The following NSUN7 variants were observed in gnomAD, a reference collection of about 807,000 sequenced individuals.
NSUN7 encodes the protein protein NSUN7.
Under a neutral mutation model 58.5 loss-of-function variants are expected in NSUN7, and 39 were observed. The observed-to-expected ratio is 0.67, with a 90% CI of 0.52 to 0.87. The LOEUF (loss-of-function observed/expected upper bound fraction) is 0.87, where lower values mean the gene tolerates loss of function less well. Among genes scored for constraint, NSUN7 ranks in the 40% least tolerant of loss-of-function variants. The pLI, the probability that NSUN7 is intolerant of heterozygous loss-of-function variation, is 0.00. For missense variants in NSUN7, 765 were observed against 844.1 expected (o/e 0.91, Z 1.16); for synonymous variants, 278 against 303.7 (o/e 0.92, Z 0.88).
At position 40,750,769 on chromosome 4, in the gene NSUN7, C is replaced by T; in HGVS notation, c.76C>T (p.Pro26Ser). 1 of 1,614,186 alleles carries T rather than the reference C, an allele frequency of 6.2e-7. No individual in the cohort carries two copies. Among genetic ancestry groups the T allele is most frequent in the Non-Finnish European group, 8.5e-7 (1 of 1,180,028 alleles). ...PEIISQLTSLPLSGGKSSAGV... is the reference protein window; with the variant it reads ...PEIISQLTSLSLSGGKSSAGV... ...GATCATCTCCCAACTCACTTCCCTG[C>T]CTCTGTCCGGTGGGAAAAGCTCAGC... Residue 26 changes from proline (P) to serine (S), a missense_variant, in exon 2 of 12, where the codon CCT becomes TCT. By Grantham distance (74) the Pro-to-Ser change is moderately conservative. Transcript: ENST00000381782.
At chr4:40,774,118 A>G (rs1742149903) in intron 4 of NSUN7, 147 bp from the exon 5 acceptor site, 1 of 768,472 alleles carries the variant, frequency 1.3e-6, no homozygotes, top group East Asian at 2.7e-5. Flanking sequence ...ATTTACAAAT[A>G]TGACACATTT....
Position 40,808,774 on chromosome 4 carries a change from A to G in NSUN7, c.1992A>G (p.Gln664=). The change falls in exon 12 of 12, where the codon CAA becomes CAG. Residue 664 remains glutamine (Q), a synonymous_variant. Coordinates refer to ENST00000381782, the MANE Select transcript of NSUN7 (RefSeq NM_024677.6). Reference sequence around the variant, plus strand: ...TCTTTATGCCATTTTCAAGTCCCCAAGGGATCAGATCTCGGATGCCAACTC... The same window carrying G: ...TCTTTATGCCATTTTCAAGTCCCCAGGGGATCAGATCTCGGATGCCAACTC... ...PPVFMPFSSP[Q]GIRSRMPTQH... The G allele has an allele frequency of 6.5e-7, 1 of 1,549,530 alleles. No individual in the cohort carries two copies. The highest frequency in any genetic ancestry group is 2.4e-5 in the East Asian group (1 of 40,870).
rs577277659 is a variant in NSUN7 at position 40,810,753 on chromosome 4, A to G, written c.*1814A>G. 2 of 152,292 alleles carry G rather than the reference A, an allele frequency of 1.3e-5. No individual in the cohort carries two copies. The highest frequency in any genetic ancestry group is 6.5e-5 in the Admixed American group (1 of 15,296). 9.4% of individuals were successfully genotyped at this position (152,292 alleles called of 1,614,324 possible). A position where few individuals can be genotyped will look rare whatever the true frequency, so the allele number is the denominator to read the frequency against. ...TTGCTGATTTTGAAAATCAAACACT[A>G]TCTCCTTGCCCTAAAATTATAGCGT... On this transcript the variant is annotated 3_prime_UTR_variant, in exon 12 of 12. Coordinates refer to ENST00000381782, the MANE Select transcript of NSUN7 (RefSeq NM_024677.6).
rs147416818 is a variant in NSUN7 at position 40,753,507 on chromosome 4, G to A, written c.298+2516G>A. Among the ~76,000 whole-genome samples the A allele has an allele frequency of 3.5e-3, 537 of 152,086 alleles. 2 individuals carry two copies. Among genetic ancestry groups the A allele is most frequent in the African/African-American group, 0.012 (496 of 41,520 alleles). ...AGGCTGGTCTTGAACTCCTGACCTC[G>A]TGATCCACCTGCCTTGGCCTCCCAA... On this transcript the variant is annotated intron_variant, in intron 2 of 11. Coordinates refer to ENST00000381782, the MANE Select transcript of NSUN7 (RefSeq NM_024677.6).
intron 4 of NSUN7, among the ~76,000 whole-genome samples, chr4:40,773,600 T>C (rs1339113215): frequency 6.6e-6 from 1 of 151,742 alleles, no homozygotes; most frequent in Non-Finnish European, 1.5e-5. Flanking sequence ...GGAGAATTGC[T>C]TGAACCCACA....
intron 10 of NSUN7, among the ~76,000 whole-genome samples, chr4:40,806,496 A>G (rs1443895559): frequency 6.6e-6 from 1 of 152,204 alleles, no homozygotes; most frequent in African/African-American, 2.4e-5. Flanking sequence ...AAATCTATTC[A>G]TGATTTGAGA....
chr4:40,789,109 C>T (rs1305997309), intron 7 of NSUN7, among the ~76,000 whole-genome samples: 1 of 152,132 alleles, frequency 6.6e-6, no homozygotes, highest in African/African-American at 2.4e-5. Context: ...AATATGATGC[C>T]ATCTGTTAAG....
intron 7 of NSUN7, among the ~76,000 whole-genome samples, chr4:40,777,329 T>G (rs4861310): frequency 3.9e-5 from 6 of 151,926 alleles, no homozygotes; most frequent in African/African-American, 1.5e-4. Context: ...TTCATTTTTT[T>G]AAATTTTTTT....
At chr4:40,764,190 T>C (rs1741598363) in intron 4 of NSUN7, among the ~76,000 whole-genome samples, 1 of 150,628 alleles carries the variant, frequency 6.6e-6, no homozygotes, top group Non-Finnish European at 1.5e-5. Context: ...ACTCGTCATT[T>C]AGCATTAGGT....
chr4:40,780,210 G>C (rs755686112), intron 7 of NSUN7, among the ~76,000 whole-genome samples: 1 of 152,154 alleles, frequency 6.6e-6, no homozygotes, highest in African/African-American at 2.4e-5. Context: ...AACCCCAGAC[G>C]CAGAGGTTGC....
chr4:40,774,845 C>G lies in NSUN7; in HGVS notation c.720C>G (p.Val240=), dbSNP rs147809276. 18 of 1,532,548 alleles carry G rather than the reference C, an allele frequency of 1.2e-5. No individual in the cohort carries two copies. In the Admixed American group the frequency reaches 2.3e-4, roughly 20 times the overall value. The allele number at this position is 1,532,548 out of a possible 1,614,324, so 94.9% of individuals were successfully genotyped here. The change falls in exon 6 of 12, where the codon GTC becomes GTG. Residue 240 remains valine, a synonymous_variant. Transcript: ENST00000381782. Reference sequence around the variant, plus strand: ...CTGTATTGCATATTGATGATAAAGTCTTTGCTGTGGATCAACATTGCTATG... The same window carrying G: ...CTGTATTGCATATTGATGATAAAGTGTTTGCTGTGGATCAACATTGCTATG... ...VKSVLHIDDK[V]FAVDQHCYDV... is the part of the protein sequence containing the mutation.
At chr4:40,771,783 TCTGA>T (rs1001735871) in intron 4 of NSUN7, among the ~76,000 whole-genome samples, 2 of 149,752 alleles carry the variant, frequency 1.3e-5, no homozygotes, top group Non-Finnish European at 3.0e-5. Flanking sequence ...TAAAGGAAGC[TCTGA>T]CTGTGTGTGT....
chr4:40,780,552 A>G (rs537502445), intron 7 of NSUN7, among the ~76,000 whole-genome samples: 1 of 151,760 alleles, frequency 6.6e-6, no homozygotes, highest in South Asian at 2.1e-4. Flanking sequence ...AGCTGCAGTG[A>G]GCCATGATTA....
In NSUN7 at chr4:40,810,966, G is replaced by A. The variant is rs1009367929; in HGVS notation, c.*2027G>A. 3 of 152,200 alleles carry A rather than the reference G, an allele frequency of 2.0e-5. No homozygotes were observed. The highest frequency in any genetic ancestry group is 4.4e-5 in the Non-Finnish European group (3 of 68,054). 9.4% of individuals were successfully genotyped at this position (152,200 alleles called of 1,614,324 possible). ...CTGAAAAGTATTCCATTGTCCAGAAGTAGCTGGTCTTGAGATTTTTATTTT... is the reference window on the plus strand; with the variant it reads ...CTGAAAAGTATTCCATTGTCCAGAAATAGCTGGTCTTGAGATTTTTATTTT... On this transcript the variant is annotated 3_prime_UTR_variant, in exon 12 of 12. Transcript: ENST00000381782.
At chr4:40,804,106 T>C (rs1262930820) in intron 10 of NSUN7, among the ~76,000 whole-genome samples, 1 of 152,240 alleles carries the variant, frequency 6.6e-6, no homozygotes, top group Non-Finnish European at 1.5e-5. Context: ...TTGATTTATA[T>C]GTCTATACTT....
chr4:40,782,121 A>C (rs1449396648), intron 7 of NSUN7, among the ~76,000 whole-genome samples: 1 of 152,218 alleles, frequency 6.6e-6, no homozygotes, highest in Non-Finnish European at 1.5e-5. Context: ...GCAGGATACA[A>C]AACGAATATA....
In NSUN7 at chr4:40,759,435, G is replaced by A. The variant is rs112828748; in HGVS notation, c.299-999G>A. On this transcript the variant is annotated intron_variant, in intron 2 of 11. Coordinates refer to ENST00000381782, the MANE Select transcript of NSUN7 (RefSeq NM_024677.6). ...TTTAAATATGTCCACTTGTTTCTAC[G>A]TAACCGCCTTTGCAGTTATCATAAC... 3.2e-4 allele frequency among the ~76,000 whole-genome samples: 49 copies of A among 152,254 alleles called. 1 individual carries two copies. The highest frequency in any genetic ancestry group is 1.1e-3 in the African/African-American group (47 of 41,548).
intron 2 of NSUN7, among the ~76,000 whole-genome samples, chr4:40,756,455 A>G (rs1741148071): frequency 6.6e-6 from 1 of 152,228 alleles, no homozygotes; most frequent in Admixed American, 6.5e-5. Context: ...GCTGAATTCT[A>G]TAATAGGCAC....
Position 40,775,127 on chromosome 4 carries a change from G to T in NSUN7, c.825+177G>T. 1 of 361,024 alleles carries T rather than the reference G, an allele frequency of 2.8e-6. No homozygotes were observed. The highest frequency in any genetic ancestry group is 4.4e-5 in the East Asian group (1 of 22,862). 22.4% of individuals were successfully genotyped at this position (361,024 alleles called of 1,614,324 possible). On this transcript the variant is annotated intron_variant, in intron 6 of 11. Coordinates refer to ENST00000381782, the MANE Select transcript of NSUN7 (RefSeq NM_024677.6). The surrounding 1 kb of genome is among the most constrained non-coding windows in gnomAD (Gnocchi z 4.3). ...ACCTCTACAATCAGTGCATCTGGTT[G>T]GCGTCTTTGTCTCATGTGAATTTAT...
Sources: allele counts gnomAD v4.1 joint callset (sites outside exome capture counted in the v4.1 genomes callset), GRCh38; gene constraint gnomAD v4.1.1; non-coding constraint Gnocchi (gnomAD v3.1); transcripts MANE v1.5; gene names NCBI Gene and HGNC (gene_info 2026-07-23, HGNC 2026-07-21).